Variants in VPS54 observed in about 807,000 individuals in gnomAD.
VPS54 encodes vacuolar protein sorting-associated protein 54.
Under a neutral mutation model 121.5 loss-of-function variants are expected in VPS54, and 45 were observed. The observed-to-expected ratio is 0.37, with a 90% CI of 0.29 to 0.47. VPS54 has a LOEUF of 0.47. Ranked by LOEUF, VPS54 falls within the 20% of genes least tolerant of loss-of-function variation. VPS54 has a pLI of 0.99. For synonymous variants in VPS54, 371 were observed against 385.8 expected (o/e 0.96, Z 0.45); for missense variants, 1,090 against 1,131.4 (o/e 0.96, Z 0.52).
At chr2:63,974,755 A>G (rs1575977366) in intron 3 of VPS54, among the ~76,000 whole-genome samples, 3 of 152,204 alleles carry the variant, frequency 2.0e-5, no homozygotes, top group African/African-American at 7.2e-5. Flanking sequence ...TATATAAGAA[A>G]GTAATTAACT....
At chr2:63,942,008 T>C (rs908378730) in intron 11 of VPS54, among the ~76,000 whole-genome samples, 10 of 130,320 alleles carry the variant, frequency 7.7e-5, no homozygotes, top group Non-Finnish European at 1.6e-4. Flanking sequence ...CACTCCAGCC[T>C]GGGTAACAGC....
chr2:63,988,442 ATG>A (rs1677155792), intron 1 of VPS54, among the ~76,000 whole-genome samples: 1 of 152,176 alleles, frequency 6.6e-6, no homozygotes, highest in Non-Finnish European at 1.5e-5. Flanking sequence ...AGTCACAGAT[ATG>A]TGTTGCGGGA....
At chr2:63,955,349 T>C (rs1298936706) in intron 7 of VPS54, among the ~76,000 whole-genome samples, 1 of 152,058 alleles carries the variant, frequency 6.6e-6, no homozygotes, top group East Asian at 1.9e-4. Context: ...AGATCATTGA[T>C]TCTTTTTTAA....
chr2:63,958,658 T>C (rs1239992295), intron 7 of VPS54, among the ~76,000 whole-genome samples: 2 of 152,174 alleles, frequency 1.3e-5, no homozygotes, highest in African/African-American at 2.4e-5. Context: ...AAGGCTATAG[T>C]TGAGCTATGA....
chr2:63,985,493 G>A (rs1434257387), intron 1 of VPS54, among the ~76,000 whole-genome samples: 11 of 152,098 alleles, frequency 7.2e-5, no homozygotes, highest in Admixed American at 7.2e-4. Context: ...CACTGAAACA[G>A]TAAGAAACAA....
At chr2:63,928,841 A>AG (rs1674046559) in intron 12 of VPS54, among the ~76,000 whole-genome samples, 1 of 151,490 alleles carries the variant, frequency 6.6e-6, no homozygotes, top group East Asian at 1.9e-4. Flanking sequence ...GAAAGCAAAA[A>AG]AAAAAAAAAA....
intron 1 of VPS54, among the ~76,000 whole-genome samples, chr2:64,008,914 T>C (rs1238291251): frequency 2.0e-5 from 3 of 152,206 alleles, no homozygotes; most frequent in Non-Finnish European, 4.4e-5. Flanking sequence ...CAAAATAACC[T>C]AGTAAGAAAA....
At chr2:63,996,626 CT>C (rs1677607440) in intron 1 of VPS54, among the ~76,000 whole-genome samples, 1 of 152,188 alleles carries the variant, frequency 6.6e-6, no homozygotes, top group Admixed American at 6.5e-5. Flanking sequence ...TTGCTGAGTT[CT>C]TTCCCCAGTA....
chr2:63,901,199 C>T (rs1042814296), intron 20 of VPS54, among the ~76,000 whole-genome samples: 5 of 152,106 alleles, frequency 3.3e-5, no homozygotes, highest in African/African-American at 1.2e-4. Flanking sequence ...ACTACCTTAA[C>T]AATACAAAAA....
chr2:63,924,715 T>A (rs939549603), intron 12 of VPS54, among the ~76,000 whole-genome samples: 1 of 152,156 alleles, frequency 6.6e-6, no homozygotes, highest in Non-Finnish European at 1.5e-5. Flanking sequence ...TTTTACTTAA[T>A]GGTACTGGTG....
chr2:63,917,005 C>A lies in VPS54; in HGVS notation c.2165-42G>T, dbSNP rs10496103. 4,979 of 1,599,282 alleles carry A rather than the reference C, an allele frequency of 3.1e-3. 145 individuals are homozygous for A. In the African/African-American group the frequency reaches 0.058, roughly 19 times the overall value. ...ATAAACGAGAGACAAGAGTACCAGACGAAACAAAATAGAGAAAAAGCTGAA... is the reference window on the plus strand; with the variant it reads ...ATAAACGAGAGACAAGAGTACCAGAAGAAACAAAATAGAGAAAAAGCTGAA... On this transcript the variant is annotated intron_variant, in intron 15 of 22. Transcript: ENST00000272322.
intron 1 of VPS54, among the ~76,000 whole-genome samples, chr2:63,987,553 T>TAGAAAAAACAA (rs1449518278): frequency 6.6e-6 from 1 of 152,246 alleles, no homozygotes; most frequent in African/African-American, 2.4e-5. Context: ...TTTTTTCTAT[T>TAGAAAAAACAA]TCTCTGAAGA....
chr2:64,015,057 T>C (rs947343763), intron 1 of VPS54, among the ~76,000 whole-genome samples: 3 of 152,070 alleles, frequency 2.0e-5, no homozygotes, highest in African/African-American at 7.2e-5. Context: ...ATATATAACA[T>C]AAGTGTTATC....
chr2:63,959,343 ATT>A (rs1186924975), intron 7 of VPS54, among the ~76,000 whole-genome samples: 1 of 152,130 alleles, frequency 6.6e-6, no homozygotes, highest in African/African-American at 2.4e-5. Flanking sequence ...CTATAAAAAC[ATT>A]TTCTTTTAGA....
intron 1 of VPS54, among the ~76,000 whole-genome samples, chr2:64,004,811 C>T (rs115611057): frequency 0.012 from 1,872 of 152,270 alleles, 17 homozygotes; most frequent in Non-Finnish European, 0.015. Context: ...GACAGGCTCT[C>T]ACTGTCACCC....
At position 63,949,174 on chromosome 2, in the gene VPS54, A is replaced by G; in HGVS notation, c.1011-11T>C. 1 of 1,601,680 alleles carries G rather than the reference A, an allele frequency of 6.2e-7. No individual in the cohort carries two copies. Among genetic ancestry groups the G allele is most frequent in the Non-Finnish European group, 8.5e-7 (1 of 1,177,364 alleles). On this transcript the variant is annotated splice_polypyrimidine_tract_variant and intron_variant, in intron 7 of 22. Transcript: ENST00000272322. Reference sequence around the variant, plus strand: ...TGTGATCCCAAATGCCTAAAAAGGAAGAGAAAAATGTTATATTTATATTCA... The same window carrying G: ...TGTGATCCCAAATGCCTAAAAAGGAGGAGAAAAATGTTATATTTATATTCA...
In VPS54 at chr2:63,893,335, T is replaced by G. The variant is rs1395897168; in HGVS notation, c.*95A>C. 1 of 1,104,484 alleles carries G rather than the reference T, an allele frequency of 9.1e-7. No individual in the cohort carries two copies. The highest frequency in any genetic ancestry group is 1.4e-6 in the Non-Finnish European group (1 of 715,830). 68.4% of individuals were successfully genotyped at this position (1,104,484 alleles called of 1,614,324 possible). On this transcript the variant is annotated 3_prime_UTR_variant, in exon 23 of 23. Coordinates refer to ENST00000272322, the MANE Select transcript of VPS54 (RefSeq NM_016516.3). Reference sequence around the variant, plus strand: ...TTCCCCCACCCCAGTTCACTTTGGGTTTCAGGTTCAATTCTCGAATCACAG... The same window carrying G: ...TTCCCCCACCCCAGTTCACTTTGGGGTTCAGGTTCAATTCTCGAATCACAG...
chr2:63,904,022 G>T (rs1281196699), intron 20 of VPS54, among the ~76,000 whole-genome samples: 2 of 151,992 alleles, frequency 1.3e-5, no homozygotes, highest in African/African-American at 4.8e-5. Flanking sequence ...ATAAGGCATA[G>T]ATATGTTAAA....
At chr2:64,009,231 T>C (rs1173529628) in intron 1 of VPS54, among the ~76,000 whole-genome samples, 1 of 152,276 alleles carries the variant, frequency 6.6e-6, no homozygotes, top group African/African-American at 2.4e-5. Context: ...GTTCATCTTC[T>C]ATTGAATGAT....
Sources: gnomAD v4.1 joint callset for allele counts (sites outside exome capture counted in the v4.1 genomes callset) on GRCh38, gnomAD v4.1.1 for gene constraint, MANE v1.5 for transcripts, NCBI Gene and HGNC (gene_info 2026-07-23, HGNC 2026-07-21) for gene names.